The following DISP1 variants were observed in gnomAD, a reference collection of about 807,000 sequenced individuals.
The protein encoded by DISP1 is dispatched RND transporter family member 1.
DISP1 carries 30 observed loss-of-function variants against 37.3 expected under a neutral mutation model. The observed-to-expected ratio is 0.80, with a 90% confidence interval of 0.60 to 1.09. The LOEUF (loss-of-function observed/expected upper bound fraction) is 1.09, where lower values mean the gene tolerates loss of function less well. Ranked by LOEUF, DISP1 falls within the 50% of genes least tolerant of loss-of-function variation. The pLI is 0.00. For synonymous variants in DISP1, 634 were observed against 690.2 expected, an observed-to-expected ratio of 0.92 and a Z score of 1.28; for missense variants, 1,598 against 1,879.5, an observed-to-expected ratio of 0.85 and a Z score of 2.77.
chr1:222,942,745 G>A, intron 2 of DISP1, 62 bp from the exon 3 acceptor site: 1 of 1,585,050 alleles, frequency 6.3e-7, no homozygotes, highest in Non-Finnish European at 8.7e-7. Context: ...TATCATACTT[G>A]TCTTTCCTAC....
At chr1:222,903,904 G>A (rs1572471358) in intron 1 of DISP1, among the ~76,000 whole-genome samples, 1 of 152,188 alleles carries the variant, frequency 6.6e-6, no homozygotes, top group Non-Finnish European at 1.5e-5. Context: ...TTCCTCAGAA[G>A]GAGGCAATAG....
At position 222,815,055 on chromosome 1, in the gene DISP1, A is replaced by C. The variant is rs886292479; in HGVS notation, c.-182A>C. On this transcript the variant is annotated 5_prime_UTR_variant, in exon 1 of 9. Coordinates refer to ENST00000675850, the MANE Select transcript of DISP1 (RefSeq NM_001377229.1). ...CCAGGCGGAAGCCCGGCTCCGGGCC[A>C]GCATCCGAGAGCCCGGACTGGAGGT... 2.6e-5 allele frequency: 4 copies of C among 152,200 alleles called. No individual in the cohort carries two copies. The highest frequency in any genetic ancestry group is 9.7e-5 in the African/African-American group (4 of 41,448). The allele number at this position is 152,200 out of a possible 1,614,324, so 9.4% of individuals were successfully genotyped here.
intron 3 of DISP1, among the ~76,000 whole-genome samples, chr1:222,963,502 C>T (rs1676217160): frequency 6.6e-6 from 1 of 152,178 alleles, no homozygotes; most frequent in Non-Finnish European, 1.5e-5. Flanking sequence ...ATAGCACAGT[C>T]ATGGAACCAA....
intron 8 of DISP1, among the ~76,000 whole-genome samples, chr1:222,995,251 A>G (rs1441850044): frequency 6.6e-6 from 1 of 152,124 alleles, no homozygotes; most frequent in Non-Finnish European, 1.5e-5. Context: ...TATTTCACAT[A>G]GTATTTCTTT....
intron 1 of DISP1, among the ~76,000 whole-genome samples, chr1:222,926,452 T>G (rs1193865862): frequency 1.3e-5 from 2 of 152,180 alleles, no homozygotes; most frequent in African/African-American, 2.4e-5. Context: ...TTTGTGGTAG[T>G]TTTGTTCCTG....
chr1:222,979,137 A>AG (rs1318558608), intron 3 of DISP1, among the ~76,000 whole-genome samples: 3 of 152,242 alleles, frequency 2.0e-5, no homozygotes, highest in African/African-American at 7.2e-5. Context: ...AGCTGGGCAC[A>AG]GGGGCTCACG....
chr1:222,824,044 A>G (rs368788480), intron 1 of DISP1: 2 of 152,004 alleles, frequency 1.3e-5, no homozygotes, highest in East Asian at 3.9e-4. Context: ...GACATATTAT[A>G]TGCCTTAGTT....
At chr1:222,919,579 G>A (rs977949346) in intron 1 of DISP1, among the ~76,000 whole-genome samples, 27 of 152,114 alleles carry the variant, frequency 1.8e-4, no homozygotes, top group African/African-American at 4.1e-4. Context: ...TCATTTCTGC[G>A]TCTGTCCCCC....
Position 222,834,223 on chromosome 1 carries a change from C to A in DISP1, c.-159+19145C>A, listed in dbSNP as rs968211364. ...CTTAGAAGTTTGATGATTCTTTCTT[C>A]GTCTTCAAAAGAAAAAAAAAAGATA... On this transcript the variant is annotated intron_variant, in intron 1 of 8. Coordinates refer to ENST00000675850, the MANE Select transcript of DISP1 (RefSeq NM_001377229.1). 2.0e-5 allele frequency among the ~76,000 whole-genome samples: 3 copies of A among 151,678 alleles called. No homozygotes were observed. In the South Asian group the frequency reaches 6.2e-4, roughly 31 times the overall value.
intron 4 of DISP1, among the ~76,000 whole-genome samples, chr1:222,986,306 GA>G (rs11428664): frequency 1.3e-5 from 2 of 151,650 alleles, no homozygotes; most frequent in African/African-American, 2.4e-5. Context: ...AAGAGCAAGG[GA>G]AAAAAAATCT....
rs756075684 is a variant in DISP1, at chr1:223,005,920, T to TA, written c.4524dup (p.Leu1509IlefsTer9). ...AACATGGAAGCCAATGTGCCTGCTG[T>TA]ATTAACACACTCGGAACTTTCTGGT... On this transcript the variant is annotated frameshift_variant, in exon 9 of 9. Transcript: ENST00000675850. LOFTEE classifies it high-confidence loss of function. 12 of 1,614,174 alleles carry TA rather than the reference T, an allele frequency of 7.4e-6. No homozygotes were observed. In the South Asian group the frequency reaches 1.1e-4, roughly 15 times the overall value.
At chr1:222,851,937 T>G (rs71644713) in intron 1 of DISP1, among the ~76,000 whole-genome samples, 7 of 152,084 alleles carry the variant, frequency 4.6e-5, no homozygotes, top group Non-Finnish European at 1.0e-4. Flanking sequence ...GTAATCCCAG[T>G]ACTTTGGGAG....
At chr1:222,985,418 G>A (rs540315063) in intron 4 of DISP1, among the ~76,000 whole-genome samples, 36 of 152,316 alleles carry the variant, frequency 2.4e-4, no homozygotes, top group African/African-American at 7.7e-4. Flanking sequence ...GTGGGAGGCC[G>A]AGGCGGGCAG....
At chr1:222,896,402 A>ATC (rs1477366490) in intron 1 of DISP1, among the ~76,000 whole-genome samples, 4 of 152,086 alleles carry the variant, frequency 2.6e-5, no homozygotes, top group African/African-American at 9.7e-5. Context: ...GGAGTTTGAG[A>ATC]CCAGCATGAG....
chr1:223,003,810 A>T lies in DISP1; in HGVS notation c.2413A>T (p.Lys805Ter). ...PEDNGNPLNP[K>*]SKGKLTLDSS... ...AGACAATGGCAACCCACTAAATCCC[A>T]AGAGTAAAGGGAAGTTGACATTAGA... Residue 805 changes from lysine to a stop codon, truncating the protein, a stop_gained, in exon 9 of 9, where the codon AAG (lysine) becomes TAG (stop). Transcript: ENST00000675850. LOFTEE classifies it low-confidence loss of function (END_TRUNC). The surrounding 1 kb of genome is among the most constrained non-coding windows in gnomAD (Gnocchi z 4.3). The T allele has an allele frequency of 6.2e-7, 1 of 1,614,182 alleles. No homozygotes were observed.
At chr1:222,875,654 T>C (rs1310363199) in intron 1 of DISP1, among the ~76,000 whole-genome samples, 2 of 93,680 alleles carry the variant, frequency 2.1e-5, no homozygotes, top group Non-Finnish European at 4.0e-5. Flanking sequence ...CTGTCTCTAC[T>C]AAAAAAAAAA....
At chr1:222,840,174 G>A (rs1667504526) in intron 1 of DISP1, among the ~76,000 whole-genome samples, 2 of 152,120 alleles carry the variant, frequency 1.3e-5, no homozygotes, top group Non-Finnish European at 2.9e-5. Flanking sequence ...TCCCACCATG[G>A]TAAAGTCGAA....
At chr1:222,816,313 A>C (rs1050651662) in intron 1 of DISP1, among the ~76,000 whole-genome samples, 1 of 152,124 alleles carries the variant, frequency 6.6e-6, no homozygotes, top group African/African-American at 2.4e-5. Flanking sequence ...AATCTACATA[A>C]TATAGTGTTT....
intron 1 of DISP1, among the ~76,000 whole-genome samples, chr1:222,884,427 C>A (rs1393808234): frequency 6.6e-6 from 1 of 152,180 alleles, no homozygotes. Context: ...TCTCCGTAGT[C>A]TCTTCCAATC....
Sources: allele counts gnomAD v4.1 joint callset (sites outside exome capture counted in the v4.1 genomes callset), GRCh38; gene constraint gnomAD v4.1.1; non-coding constraint Gnocchi (gnomAD v3.1); transcripts MANE v1.5; gene names NCBI Gene and HGNC (gene_info 2026-07-23, HGNC 2026-07-21).